Variants in ZNF444 observed in about 807,000 individuals in gnomAD.
The protein encoded by ZNF444 is zinc finger protein 444, also known as endothelial zinc finger protein 2.
ZNF444 carries 8 observed loss-of-function variants against 14.4 expected under a neutral mutation model. The observed-to-expected ratio is 0.56, with a 90% CI of 0.33 to 1.00. The LOEUF (loss-of-function observed/expected upper bound fraction) is 1.00. Among genes scored for constraint, ZNF444 ranks in the 50% least tolerant of loss-of-function variants. The pLI is 0.03. For missense variants in ZNF444, 510 were observed against 504.8 expected (o/e 1.01, Z -0.10); for synonymous variants, 258 against 235.9 (o/e 1.09, Z -0.86).
At chr19:56,154,950 A>G (rs1386231559) in intron 3 of ZNF444, 1 of 152,218 alleles carries the variant, frequency 6.6e-6, no homozygotes, top group Non-Finnish European at 1.5e-5. Flanking sequence ...AAAGCTGGAT[A>G]TGAGTCCTGC....
intron 3 of ZNF444, 100 bp from the exon 4 acceptor site, chr19:56,158,394 G>A (rs1276923285): frequency 3.6e-6 from 4 of 1,120,124 alleles, no homozygotes; most frequent in Non-Finnish European, 3.7e-6. Context: ...CTTCCTCCCA[G>A]CAGGGATGGG....
chr19:56,146,957 C>T lies in ZNF444; in HGVS notation c.46C>T (p.Leu16=). The part of the protein sequence containing the change: ...PVKQEAEGLA[L]DSPWHRFRRF... The stretch of plus-strand genomic sequence containing the variant: ...GAAGCAGGAGGCCGAGGGCCTGGCG[C>T]TGGACTCCCCGTGGCACCGCTTCCG... The change falls in exon 3 of 5, where the codon CTG becomes TTG. Residue 16 remains leucine, a synonymous_variant. Transcript: ENST00000337080. 1 of 1,446,950 alleles carries T rather than the reference C, an allele frequency of 6.9e-7. No homozygotes were observed. Among genetic ancestry groups the T allele is most frequent in the Non-Finnish European group, 9.0e-7 (1 of 1,109,998 alleles). The allele number at this position is 1,446,950 out of a possible 1,614,324, so 89.6% of individuals were successfully genotyped here.
In ZNF444 at chr19:56,145,431, C is replaced by A. The variant is rs1352682494; in HGVS notation, c.-196-816C>A. On this transcript the variant is annotated intron_variant, in intron 1 of 4. Coordinates refer to ENST00000337080, the MANE Select transcript of ZNF444 (RefSeq NM_018337.4). The surrounding 1 kb of genome is among the most constrained non-coding windows in gnomAD (Gnocchi z 4.3). ...CGAAACCCCGTCTCTACTAAAAATACAAAAATTATCCGGACGTGGTAACGC... is the reference window on the plus strand; with the variant it reads ...CGAAACCCCGTCTCTACTAAAAATAAAAAAATTATCCGGACGTGGTAACGC... Among the ~76,000 whole-genome samples, 1 of 152,074 alleles carries A rather than the reference C, an allele frequency of 6.6e-6. No homozygotes were observed. Among genetic ancestry groups the A allele is most frequent in the African/African-American group, 2.4e-5 (1 of 41,400 alleles).
chr19:56,142,774 G>A (rs2030915718), intron 1 of ZNF444, among the ~76,000 whole-genome samples: 2 of 152,218 alleles, frequency 1.3e-5, no homozygotes, highest in African/African-American at 2.4e-5. Context: ...CTGCTGATGA[G>A]TGGCAGAGCT....
At chr19:56,133,417 C>G (rs1172924492) in intron 1 of ZNF444, among the ~76,000 whole-genome samples, 1 of 152,106 alleles carries the variant, frequency 6.6e-6, no homozygotes, top group Non-Finnish European at 1.5e-5. Context: ...GTGAGAGAGA[C>G]TCAGGACACC....
At chr19:56,150,552 C>A (rs2031513221) in intron 3 of ZNF444, 3 of 412,954 alleles carry the variant, frequency 7.3e-6, no homozygotes, top group South Asian at 3.6e-5. Context: ...AATAACACTG[C>A]CGTGAGTGAT....
intron 1 of ZNF444, among the ~76,000 whole-genome samples, chr19:56,132,995 T>C (rs1026248695): frequency 8.3e-5 from 11 of 131,858 alleles, no homozygotes; most frequent in African/African-American, 3.1e-4. Flanking sequence ...TGGAGTGCAG[T>C]GGTGCGATCT....
chr19:56,144,613 G>A lies in ZNF444; in HGVS notation c.-196-1634G>A, dbSNP rs1046553160. ...GACGTTTGTGGTTAGTGACATGGCG[G>A]TCAGGAGCCCAGGCTTTGGTTGTAT... On this transcript the variant is annotated intron_variant, in intron 1 of 4. Coordinates refer to ENST00000337080, the MANE Select transcript of ZNF444 (RefSeq NM_018337.4). This position sits in a 1 kb window ranked among gnomAD's most constrained non-coding sequence, Gnocchi z 4.0. 2.0e-5 allele frequency among the ~76,000 whole-genome samples: 3 copies of A among 152,322 alleles called. No individual in the cohort carries two copies. The highest frequency in any genetic ancestry group is 4.8e-5 in the African/African-American group (2 of 41,570).
rs2031307372 is a variant in ZNF444 at position 56,147,958 on chromosome 19, CGTGATGACCACA to C, written c.297+752_297+763del. ...GTCACCTGGGGCTGACACTTGCCAC[CGTGATGACCACA>C]GAGGGCCCGAGGAGCTGGAAGTGTT... On this transcript the variant is annotated intron_variant, in intron 3 of 4. Transcript: ENST00000337080. This position sits in a 1 kb window ranked among gnomAD's most constrained non-coding sequence, Gnocchi z 5.9. 6.6e-6 allele frequency among the ~76,000 whole-genome samples: 1 copy of C among 152,206 alleles called. No homozygotes were observed. The highest frequency in any genetic ancestry group is 6.5e-5 in the Admixed American group (1 of 15,268).
At chr19:56,138,274 A>C (rs140195653), upstream of ZNF444, among the ~76,000 whole-genome samples, 1 of 152,302 alleles carries the variant, frequency 6.6e-6, no homozygotes, top group East Asian at 1.9e-4. Flanking sequence ...TAAATAAGTC[A>C]GTCACAAAAA....
At chr19:56,139,685 C>CA (rs1251050049), upstream of ZNF444, among the ~76,000 whole-genome samples, 7 of 92,576 alleles carry the variant, frequency 7.6e-5, no homozygotes, top group Non-Finnish European at 1.2e-4. Context: ...GACCCTGTAT[C>CA]AAAAAACAAA....
intron 1 of ZNF444, among the ~76,000 whole-genome samples, chr19:56,134,862 A>T (rs1306841694): frequency 6.6e-6 from 1 of 152,020 alleles, no homozygotes; most frequent in East Asian, 1.9e-4. Context: ...GGTAGCTGTA[A>T]TCCCAGCTAC....
chr19:56,139,833 C>T (rs58683579), upstream of ZNF444, among the ~76,000 whole-genome samples: 4,994 of 152,106 alleles, frequency 0.033, 297 homozygotes, highest in African/African-American at 0.11. Flanking sequence ...CAAATTTCTT[C>T]GCAAGGTGGG....
chr19:56,158,763 G>A (rs566771349), intron 4 of ZNF444, among the ~76,000 whole-genome samples, 161 bp downstream of exon 4: 2 of 152,176 alleles, frequency 1.3e-5, no homozygotes, highest in Non-Finnish European at 2.9e-5. Context: ...TTGGGGGTAT[G>A]GGTGGGCCTC....
At chr19:56,140,627 GTCCTGAT>G (rs898838480), upstream of ZNF444, among the ~76,000 whole-genome samples, 1 of 152,148 alleles carries the variant, frequency 6.6e-6, no homozygotes, top group Non-Finnish European at 1.5e-5. Context: ...GCCTGCTCAC[GTCCTGAT>G]TCCTGGCACC....
At chr19:56,152,286 T>C (rs1387001198) in intron 3 of ZNF444, among the ~76,000 whole-genome samples, 1 of 148,902 alleles carries the variant, frequency 6.7e-6, no homozygotes, top group African/African-American at 2.5e-5. Flanking sequence ...GAACCAGGAC[T>C]GCACCACCGC....
upstream of ZNF444, among the ~76,000 whole-genome samples, chr19:56,139,927 T>A (rs867596823): frequency 1.3e-5 from 2 of 152,034 alleles, no homozygotes; most frequent in Admixed American, 6.6e-5. Flanking sequence ...AAGTAGGCCA[T>A]CGGATATGAG....
chr19:56,159,070 C>T (rs1029608949), intron 4 of ZNF444, among the ~76,000 whole-genome samples: 2 of 151,348 alleles, frequency 1.3e-5, no homozygotes, highest in African/African-American at 4.9e-5. Flanking sequence ...ATCCGTCCAT[C>T]CATCCACCCA....
chr19:56,150,405 C>G (rs1350775016), intron 3 of ZNF444: 1 of 343,554 alleles, frequency 2.9e-6, no homozygotes, highest in Admixed American at 4.1e-5. Context: ...CCTGCGTTCT[C>G]TGCTTGCTCC....
Sources: allele counts gnomAD v4.1 joint callset (sites outside exome capture counted in the v4.1 genomes callset), GRCh38; gene constraint gnomAD v4.1.1; non-coding constraint Gnocchi (gnomAD v3.1); transcripts MANE v1.5; gene names NCBI Gene and HGNC (gene_info 2026-07-23, HGNC 2026-07-21).